Variants in TERF2IP observed in about 807,000 individuals in gnomAD.
TERF2IP encodes TERF2 interacting protein, also known as telomeric repeat-binding factor 2-interacting protein 1.
In TERF2IP, 35 loss-of-function variants were observed where a neutral mutation model predicts 33.3. The observed-to-expected ratio is 1.05, with a 90% CI of 0.80 to 1.39. The LOEUF is 1.39. Ranked by LOEUF, TERF2IP falls within the 40% of genes most tolerant of loss-of-function variation. TERF2IP has a pLI of 0.00. For synonymous variants in TERF2IP, 253 were observed against 223.2 expected, an observed-to-expected ratio of 1.13 and a Z score of -1.19; for missense variants, 583 against 524.8, an observed-to-expected ratio of 1.11 and a Z score of -1.08.
chr16:75,657,171 G>C lies in TERF2IP; in HGVS notation c.*560G>C, dbSNP rs1365487273. On this transcript the variant is annotated 3_prime_UTR_variant, in exon 3 of 3. Coordinates refer to ENST00000300086, the MANE Select transcript of TERF2IP (RefSeq NM_018975.4). ...TATTCATTTTGCTAACTTAGTATTT[G>C]GGTACCCTGCTCTTTGGCTGTTCTT... 1.3e-5 allele frequency: 2 copies of C among 152,214 alleles called. No homozygotes were observed. Among genetic ancestry groups the C allele is most frequent in the African/African-American group, 4.8e-5 (2 of 41,416 alleles). The allele number at this position is 152,214 out of a possible 1,614,324, so 9.4% of individuals were successfully genotyped here. A position where few individuals can be genotyped will look rare whatever the true frequency, so the allele number is the denominator to read the frequency against.
chr16:75,647,877 T>A lies in TERF2IP; in HGVS notation c.-6T>A. 6.2e-7 allele frequency: 1 copy of A among 1,602,742 alleles called. No individual in the cohort carries two copies. The highest frequency in any genetic ancestry group is 1.7e-4 in the Middle Eastern group (1 of 6,008). The stretch of plus-strand genomic sequence containing the variant: ...GTAGCTCTTCTAGTAGTGCTCGGCG[T>A]CAGACATGGCGGAGGCGATGGATTT... On this transcript the variant is annotated 5_prime_UTR_variant, in exon 1 of 3. Transcript: ENST00000300086.
chr16:75,651,295 C>T (rs1198056119), intron 1 of TERF2IP, among the ~76,000 whole-genome samples: 1 of 151,704 alleles, frequency 6.6e-6, no homozygotes, highest in African/African-American at 2.4e-5. Context: ...AAAAAGAAAA[C>T]TAATAGAAAA....
At chr16:75,648,845 C>A (rs746736890) in intron 1 of TERF2IP, among the ~76,000 whole-genome samples, 1 of 152,044 alleles carries the variant, frequency 6.6e-6, no homozygotes, top group African/African-American at 2.4e-5. Context: ...TGAGCCACCA[C>A]GTCTGGCCTC....
At chr16:75,648,813 C>G in intron 1 of TERF2IP, 3 of 990,964 alleles carry the variant, frequency 3.0e-6, no homozygotes, top group Non-Finnish European at 4.1e-6. Flanking sequence ...CTCGGCCACC[C>G]AAAGTGTTGG....
Position 75,647,829 on chromosome 16 carries a change from G to C in TERF2IP, c.-54G>C, listed in dbSNP as rs1292197990. The C allele has an allele frequency of 2.1e-5, 34 of 1,596,770 alleles. No homozygotes were observed. The highest frequency in any genetic ancestry group is 2.7e-5 in the Non-Finnish European group (32 of 1,168,720). Reference sequence around the variant, plus strand: ...GTGACAGCTCAGTCAGTTGAGCTCTGTGTGCCAGGCGCTCGCGAGGGGGTA... The same window carrying C: ...GTGACAGCTCAGTCAGTTGAGCTCTCTGTGCCAGGCGCTCGCGAGGGGGTA... On this transcript the variant is annotated 5_prime_UTR_variant, in exon 1 of 3. Coordinates refer to ENST00000300086, the MANE Select transcript of TERF2IP (RefSeq NM_018975.4).
chr16:75,654,373 C>T lies in TERF2IP; in HGVS notation c.771C>T (p.Ala257=), dbSNP rs2082369230. 1.9e-6 allele frequency: 3 copies of T among 1,613,830 alleles called. No homozygotes were observed. Among genetic ancestry groups the T allele is most frequent in the East Asian group, 4.5e-5 (2 of 44,860 alleles). The change falls in exon 2 of 3, where the codon GCC becomes GCT. Residue 257 remains alanine, a synonymous_variant. Coordinates refer to ENST00000300086, the MANE Select transcript of TERF2IP (RefSeq NM_018975.4). Reference sequence around the variant, plus strand: ...CAGTCAAAAAGATGCTTGTGGAAGCCACCCGGGAGTTTGAGGAGGTTGTGG... The same window carrying T: ...CAGTCAAAAAGATGCTTGTGGAAGCTACCCGGGAGTTTGAGGAGGTTGTGG... The part of the protein sequence containing the change: ...EEAVKKMLVE[A]TREFEEVVVD...
At chr16:75,654,979 T>C (rs1384354848) in intron 2 of TERF2IP, among the ~76,000 whole-genome samples, 1 of 152,114 alleles carries the variant, frequency 6.6e-6, no homozygotes, top group East Asian at 1.9e-4. Context: ...CCGCCCGCCT[T>C]GGCCTCCCAA....
chr16:75,654,818 T>G (rs2082372662), intron 2 of TERF2IP, among the ~76,000 whole-genome samples: 1 of 152,100 alleles, frequency 6.6e-6, no homozygotes, highest in Non-Finnish European at 1.5e-5. Flanking sequence ...AAGCTCCGCC[T>G]CCTGGGTTCA....
rs1390428390 is a variant in TERF2IP, at chr16:75,648,329, G to A, written c.447G>A (p.Lys149=). 1.3e-6 allele frequency: 2 copies of A among 1,575,094 alleles called. No individual in the cohort carries two copies. The highest frequency in any genetic ancestry group is 2.7e-5 in the African/African-American group (2 of 74,562). Reference sequence around the variant, plus strand: ...ACGTAGCCATCCTTACCTACGTGAAGGAAAATGCCCGCTCGCCCAGCTCCG... The same window carrying A: ...ACGTAGCCATCCTTACCTACGTGAAAGAAAATGCCCGCTCGCCCAGCTCCG... The part of the protein sequence containing the change: ...ADDVAILTYV[K]ENARSPSSVT... The change falls in exon 1 of 3, where the codon AAG becomes AAA. Residue 149 remains lysine (K), a synonymous_variant. Transcript: ENST00000300086.
In TERF2IP at chr16:75,648,366, G is replaced by C. The variant is rs759661798; in HGVS notation, c.484G>C (p.Ala162Pro). ...CTCGCCCAGCTCCGTCACCGGTAAC[G>C]CCTTGTGGAAAGCGATGGAGAAGAG... Reference protein sequence around the residue: ...ARSPSSVTGNALWKAMEKSSL... With the variant: ...ARSPSSVTGNPLWKAMEKSSL... Residue 162 changes from alanine (A) to proline (P), a missense_variant, in exon 1 of 3, where the codon GCC becomes CCC. By Grantham distance (27) the Ala-to-Pro change is conservative. Transcript: ENST00000300086. 6.2e-7 allele frequency: 1 copy of C among 1,603,388 alleles called. No individual in the cohort carries two copies. The highest frequency in any genetic ancestry group is 2.2e-5 in the East Asian group (1 of 44,498).
At position 75,656,209 on chromosome 16, in the gene TERF2IP, G is replaced by A; in HGVS notation, c.798G>A (p.Val266=). 1 of 1,603,318 alleles carries A rather than the reference G, an allele frequency of 6.2e-7. No individual in the cohort carries two copies. The highest frequency in any genetic ancestry group is 8.5e-7 in the Non-Finnish European group (1 of 1,174,588). The part of the protein sequence containing the change: ...EATREFEEVV[V]DESPPDFEIH... ...GTTTTACTCATCATTCTGTCTAGGTGGATGAGAGCCCTCCTGATTTTGAAA... is the reference window on the plus strand; with the variant it reads ...GTTTTACTCATCATTCTGTCTAGGTAGATGAGAGCCCTCCTGATTTTGAAA... Residue 266 remains valine (V), a splice_region_variant and synonymous_variant, in exon 3 of 3, where the codon GTG becomes GTA. Transcript: ENST00000300086.
intron 1 of TERF2IP, 143 bp from the exon 2 acceptor site, chr16:75,654,124 TCAAGAA>T: frequency 1.7e-6 from 1 of 586,596 alleles, no homozygotes; most frequent in East Asian, 3.5e-5. Flanking sequence ...CCCTTCTGAA[TCAAGAA>T]CAGATGTCTT....
chr16:75,648,805 C>T (rs1460539900), intron 1 of TERF2IP: 22 of 1,031,730 alleles, frequency 2.1e-5, no homozygotes, highest in Non-Finnish European at 2.7e-5. Context: ...CCTCCTGCCT[C>T]GGCCACCCAA....
intron 2 of TERF2IP, among the ~76,000 whole-genome samples, chr16:75,655,234 C>CTT (rs970025144): frequency 6.6e-6 from 1 of 152,114 alleles, no homozygotes. Flanking sequence ...GTACTTTGAG[C>CTT]TTTTTAAAAA....
In TERF2IP at chr16:75,656,668, T is replaced by C. The variant is rs765521113; in HGVS notation, c.*57T>C. 2.2e-5 allele frequency: 33 copies of C among 1,482,142 alleles called. No individual in the cohort carries two copies. Among genetic ancestry groups the C allele is most frequent in the Non-Finnish European group, 2.9e-5 (32 of 1,100,708 alleles). The allele number at this position is 1,482,142 out of a possible 1,614,324, so 91.8% of individuals were successfully genotyped here. ...TGGTAGGTGAGGTGGTTAAAAAAAA[T>C]TGTGACCAATGAACTTTAGAGAGTT... On this transcript the variant is annotated 3_prime_UTR_variant, in exon 3 of 3. Coordinates refer to ENST00000300086, the MANE Select transcript of TERF2IP (RefSeq NM_018975.4).
At chr16:75,652,720 T>C (rs2082356449) in intron 1 of TERF2IP, among the ~76,000 whole-genome samples, 1 of 152,238 alleles carries the variant, frequency 6.6e-6, no homozygotes, top group Non-Finnish European at 1.5e-5. Flanking sequence ...AAAATGTATA[T>C]ACCGTAAAAT....
intron 1 of TERF2IP, among the ~76,000 whole-genome samples, chr16:75,653,235 A>C (rs1468411054): frequency 6.6e-6 from 1 of 152,300 alleles, no homozygotes; most frequent in Middle Eastern, 3.4e-3. Flanking sequence ...GGGTATAACT[A>C]GTATCTGTTT....
chr16:75,655,588 T>G (rs2082378574), intron 2 of TERF2IP, among the ~76,000 whole-genome samples: 1 of 152,228 alleles, frequency 6.6e-6, no homozygotes, highest in Non-Finnish European at 1.5e-5. Context: ...TGATATTTGG[T>G]TCATTTTTCA....
chr16:75,648,658 G>A, intron 1 of TERF2IP, 106 bp downstream of exon 1: 2 of 1,436,806 alleles, frequency 1.4e-6, no homozygotes, highest in South Asian at 1.5e-5. Flanking sequence ...AGCAGCGCTT[G>A]GCCCCGCCCC....
Sources: allele counts gnomAD v4.1 joint callset (sites outside exome capture counted in the v4.1 genomes callset), GRCh38; gene constraint gnomAD v4.1.1; transcripts MANE v1.5; gene names NCBI Gene and HGNC (gene_info 2026-07-23, HGNC 2026-07-21).